Variants in SLIT3 observed in about 807,000 individuals in gnomAD.
SLIT3 encodes the protein slit homolog 3 protein.
A neutral mutation model predicts 184.0 loss-of-function variants in SLIT3; 68 were observed. That is an observed-to-expected ratio of 0.37 (90% confidence interval 0.30 to 0.45). The LOEUF (loss-of-function observed/expected upper bound fraction) is 0.45, where lower values mean the gene tolerates loss of function less well. Ranked by LOEUF, SLIT3 falls within the 20% of genes least tolerant of loss-of-function variation. SLIT3 has a pLI of 1.00. For synonymous variants in SLIT3, 831 were observed against 828.6 expected (o/e 1.00, Z -0.05); for missense variants, 1,707 against 2,026.0 (o/e 0.84, Z 3.02).
At chr5:168,948,705 A>G (rs1762561106) in intron 4 of SLIT3, among the ~76,000 whole-genome samples, 2 of 152,176 alleles carry the variant, frequency 1.3e-5, no homozygotes, top group Non-Finnish European at 2.9e-5. Flanking sequence ...TGACCCCAAT[A>G]TTTAAAGCAT....
chr5:168,939,442 A>G (rs1762265203), intron 4 of SLIT3, among the ~76,000 whole-genome samples: 2 of 152,218 alleles, frequency 1.3e-5, no homozygotes, highest in Admixed American at 1.3e-4. Flanking sequence ...TTGCTAACTC[A>G]GAAAGGCTTA....
At chr5:168,693,514 C>T (rs1014282800) in intron 28 of SLIT3, among the ~76,000 whole-genome samples, 9 of 152,244 alleles carry the variant, frequency 5.9e-5, no homozygotes, top group South Asian at 2.1e-4. Context: ...TGGGGGAGGG[C>T]GGTAAGGCAG....
chr5:168,957,566 G>A (rs1007763677), intron 4 of SLIT3, among the ~76,000 whole-genome samples: 4 of 152,220 alleles, frequency 2.6e-5, no homozygotes, highest in Non-Finnish European at 5.9e-5. Context: ...TGACGCTGAT[G>A]CTGCTGGTTC....
In SLIT3 at chr5:168,712,298, G is replaced by C. The variant is rs1173929906; in HGVS notation, c.2540C>G (p.Thr847Arg). 1.2e-6 allele frequency: 2 copies of C among 1,613,822 alleles called. No individual in the cohort carries two copies. Among genetic ancestry groups the C allele is most frequent in the African/African-American group, 2.7e-5 (2 of 74,934 alleles). The change falls in exon 24 of 36, where the codon ACA becomes AGA. Residue 847 changes from threonine (T) to arginine (R), a missense_variant. Thr to Arg is a moderately conservative substitution (Grantham distance 71). Coordinates refer to ENST00000519560, the MANE Select transcript of SLIT3 (RefSeq NM_003062.4). The stretch of plus-strand genomic sequence containing the variant: ...TGCTACTTACAGATGGGAAAGAGAT[G>C]TGAGGTCGTTGAAGGAGCCTTCAGG... ...SVPEGSFNDL[T>R]SLSHLALGTN...
chr5:168,687,169 G>T, intron 29 of SLIT3, 53 bp from the exon 30 acceptor site: 1 of 1,597,992 alleles, frequency 6.3e-7, no homozygotes, highest in Non-Finnish European at 8.6e-7. Context: ...CAGCTTGCAG[G>T]CAGTCACTCT....
chr5:168,737,520 A>G (rs145111034), intron 20 of SLIT3, among the ~76,000 whole-genome samples: 161 of 152,190 alleles, frequency 1.1e-3, no homozygotes, highest in African/African-American at 3.7e-3. Flanking sequence ...GTGTTCTCAG[A>G]CCCCGCATCC....
At position 169,125,278 on chromosome 5, in the gene SLIT3, C is replaced by T. The variant is rs542328764; in HGVS notation, c.413+68201G>A. On this transcript the variant is annotated intron_variant, in intron 4 of 35. Coordinates refer to ENST00000519560, the MANE Select transcript of SLIT3 (RefSeq NM_003062.4). Reference sequence around the variant, plus strand: ...GACCAGGATGGTCTCGATCTTCTGACGTGGTGATCCACCTGCCTTGGCCTC... The same window carrying T: ...GACCAGGATGGTCTCGATCTTCTGATGTGGTGATCCACCTGCCTTGGCCTC... 9.2e-4 allele frequency among the ~76,000 whole-genome samples: 140 copies of T among 152,308 alleles called. 1 individual carries two copies. Among genetic ancestry groups the T allele is most frequent in the African/African-American group, 3.2e-3 (131 of 41,576 alleles).
intron 6 of SLIT3, among the ~76,000 whole-genome samples, chr5:168,831,697 C>A (rs1401006892): frequency 6.6e-6 from 1 of 152,112 alleles, no homozygotes; most frequent in South Asian, 2.1e-4. Context: ...CAGCTCTCAC[C>A]GCCAAGTAAC....
At chr5:168,870,434 C>T (rs189463890) in intron 5 of SLIT3, among the ~76,000 whole-genome samples, 29 of 152,336 alleles carry the variant, frequency 1.9e-4, no homozygotes, top group Non-Finnish European at 4.1e-4. Context: ...CAACACCAAC[C>T]CTTCTCCTTT....
At chr5:168,844,746 C>A in intron 5 of SLIT3, 91 bp from the exon 6 acceptor site, 2 of 1,147,850 alleles carry the variant, frequency 1.7e-6, no homozygotes, top group Non-Finnish European at 2.6e-6. Flanking sequence ...TCCCTCCACC[C>A]CCTTGCAGGC....
intron 5 of SLIT3, among the ~76,000 whole-genome samples, chr5:168,881,507 A>G (rs1759952567): frequency 6.6e-6 from 1 of 152,174 alleles, no homozygotes; most frequent in Non-Finnish European, 1.5e-5. Flanking sequence ...CTGATATATC[A>G]CTTTATATAC....
chr5:169,154,331 A>G (rs1317565414), intron 4 of SLIT3, among the ~76,000 whole-genome samples: 2 of 152,026 alleles, frequency 1.3e-5, no homozygotes, highest in African/African-American at 4.8e-5. Context: ...TTCTGCTTCT[A>G]TTACTTCTAA....
rs1203814979 is a variant in SLIT3 at position 169,086,986 on chromosome 5, C to T, written c.413+106493G>A. Among the ~76,000 whole-genome samples the T allele has an allele frequency of 2.6e-5, 4 of 152,314 alleles. No homozygotes were observed. In the East Asian group the frequency reaches 7.7e-4, roughly 29 times the overall value. ...AAAAGGAAAGGGCTGAAGATTAGTG[C>T]TATGCAAAGTGCCGTCCAAAAACTA... On this transcript the variant is annotated intron_variant, in intron 4 of 35. Transcript: ENST00000519560.
At chr5:169,021,380 T>C (rs888142038) in intron 4 of SLIT3, among the ~76,000 whole-genome samples, 12 of 152,098 alleles carry the variant, frequency 7.9e-5, no homozygotes, top group African/African-American at 2.9e-4. Flanking sequence ...ATGGAGTCTC[T>C]TGCTCTGTCA....
chr5:169,213,333 AC>A (rs1441807725), intron 3 of SLIT3, among the ~76,000 whole-genome samples: 24 of 152,332 alleles, frequency 1.6e-4, no homozygotes, highest in African/African-American at 2.4e-4. Context: ...AAAGAAAAAA[AC>A]ATCCATGCTC....
intron 4 of SLIT3, among the ~76,000 whole-genome samples, chr5:168,964,466 T>C (rs575067705): frequency 4.1e-4 from 62 of 152,248 alleles, no homozygotes; most frequent in African/African-American, 1.4e-3. Context: ...CAACAAAACA[T>C]ACAAAGAGAG....
intron 4 of SLIT3, among the ~76,000 whole-genome samples, chr5:168,998,412 A>T (rs1286782820): frequency 1.3e-5 from 2 of 152,160 alleles, no homozygotes; most frequent in African/African-American, 4.8e-5. Flanking sequence ...TGAAGGTTAG[A>T]ACTAAGAAAT....
chr5:169,092,923 T>C (rs1209154049), intron 4 of SLIT3, among the ~76,000 whole-genome samples: 1 of 152,220 alleles, frequency 6.6e-6, no homozygotes, highest in Non-Finnish European at 1.5e-5. Context: ...GCTGACCTGA[T>C]ACAGAGTGTG....
At chr5:169,006,578 T>TC (rs1554089476) in intron 4 of SLIT3, among the ~76,000 whole-genome samples, 3 of 140,118 alleles carry the variant, frequency 2.1e-5, no homozygotes, top group Admixed American at 2.1e-4. Flanking sequence ...TTTCCCCCTC[T>TC]TCTCTCTCTC....
Sources: gnomAD v4.1 joint callset for allele counts (sites outside exome capture counted in the v4.1 genomes callset) on GRCh38, gnomAD v4.1.1 for gene constraint, MANE v1.5 for transcripts, NCBI Gene and HGNC (gene_info 2026-07-23, HGNC 2026-07-21) for gene names.